The following CDKAL1 variants were observed in gnomAD, a reference collection of about 807,000 sequenced individuals.
The protein encoded by CDKAL1 is CDKAL1 threonylcarbamoyladenosine tRNA methylthiotransferase, also known as threonylcarbamoyladenosine tRNA methylthiotransferase.
CDKAL1 carries 32 observed loss-of-function variants against 68.2 expected under a neutral mutation model. The observed-to-expected ratio is 0.47, with a 90% CI of 0.35 to 0.63. CDKAL1 has a LOEUF of 0.63. CDKAL1 is among the 30% of genes least tolerant of loss of function. The pLI is 0.00. For synonymous variants in CDKAL1, 234 were observed against 244.3 expected, an observed-to-expected ratio of 0.96 and a Z score of 0.39; for missense variants, 606 against 696.7, an observed-to-expected ratio of 0.87 and a Z score of 1.47.
At chr6:21,106,142 G>C (rs1360770300) in intron 12 of CDKAL1, among the ~76,000 whole-genome samples, 1 of 152,130 alleles carries the variant, frequency 6.6e-6, no homozygotes, top group Admixed American at 6.5e-5. Flanking sequence ...TTTAAATACA[G>C]TCAGGCTGGC....
At chr6:20,719,425 A>C in intron 5 of CDKAL1, among the ~76,000 whole-genome samples, 1 of 152,098 alleles carries the variant, frequency 6.6e-6, no homozygotes, top group Middle Eastern at 3.2e-3. Flanking sequence ...TACTAATACG[A>C]GTGTACATAG....
At chr6:20,636,504 A>G (rs552095744) in intron 4 of CDKAL1, among the ~76,000 whole-genome samples, 4 of 152,182 alleles carry the variant, frequency 2.6e-5, no homozygotes, top group African/African-American at 7.2e-5. Context: ...TGATGTTCTT[A>G]GGTGAGTTGG....
intron 9 of CDKAL1, among the ~76,000 whole-genome samples, chr6:20,883,291 C>T (rs1760911774): frequency 6.6e-6 from 1 of 152,176 alleles, no homozygotes; most frequent in East Asian, 1.9e-4. Context: ...ACGTTGTCTT[C>T]CCAGTTGTTG....
At chr6:21,203,841 C>T (rs1022030816) in intron 15 of CDKAL1, among the ~76,000 whole-genome samples, 8 of 151,938 alleles carry the variant, frequency 5.3e-5, no homozygotes, top group African/African-American at 2.4e-5. Flanking sequence ...GGATTACAGG[C>T]GTGCGCCACC....
At chr6:20,840,047 G>A (rs1778112118) in intron 8 of CDKAL1, among the ~76,000 whole-genome samples, 1 of 152,214 alleles carries the variant, frequency 6.6e-6, no homozygotes, top group Non-Finnish European at 1.5e-5. Flanking sequence ...GAAGTACAGA[G>A]TACAATTGGT....
At chr6:20,722,676 C>G (rs1490995936) in intron 5 of CDKAL1, 1 of 167,688 alleles carries the variant, frequency 6.0e-6, no homozygotes, top group Non-Finnish European at 1.3e-5. Flanking sequence ...ACCCGCAGCC[C>G]AAAGTGAGAA....
At chr6:20,797,964 G>A (rs548714691) in intron 8 of CDKAL1, among the ~76,000 whole-genome samples, 2 of 151,824 alleles carry the variant, frequency 1.3e-5, no homozygotes, top group South Asian at 2.1e-4. Context: ...CTACAGGCAT[G>A]TGCTACCATG....
intron 15 of CDKAL1, among the ~76,000 whole-genome samples, chr6:21,205,736 T>C (rs1270932060): frequency 6.6e-6 from 1 of 151,020 alleles, no homozygotes; most frequent in African/African-American, 2.4e-5. Context: ...TTTCACTGTG[T>C]TAGCCAGGAT....
At chr6:21,137,697 ATTG>A (rs199510915) in intron 13 of CDKAL1, among the ~76,000 whole-genome samples, 1 of 152,206 alleles carries the variant, frequency 6.6e-6, no homozygotes, top group East Asian at 1.9e-4. Context: ...GTTTAAGCTC[ATTG>A]TTTTCAGATG....
intron 4 of CDKAL1, among the ~76,000 whole-genome samples, chr6:20,583,847 C>CT (rs1258881785): frequency 1.3e-5 from 2 of 149,752 alleles, no homozygotes; most frequent in Non-Finnish European, 3.0e-5. Context: ...ATTTTTGCTA[C>CT]TTACAAAATT....
At chr6:20,783,675 A>G (rs1775531882) in intron 8 of CDKAL1, among the ~76,000 whole-genome samples, 1 of 151,940 alleles carries the variant, frequency 6.6e-6, no homozygotes, top group Admixed American at 6.6e-5. Context: ...CCCTCACTCT[A>G]ATTTGTGTCC....
intron 13 of CDKAL1, among the ~76,000 whole-genome samples, chr6:21,111,066 TGA>T (rs1028776576): frequency 3.3e-5 from 5 of 152,136 alleles, no homozygotes; most frequent in Non-Finnish European, 7.4e-5. Flanking sequence ...CAAAACTAAA[TGA>T]TGTTTGGGGG....
intron 5 of CDKAL1, among the ~76,000 whole-genome samples, chr6:20,719,708 A>C (rs1772256599): frequency 6.6e-6 from 1 of 152,204 alleles, no homozygotes; most frequent in African/African-American, 2.4e-5. Flanking sequence ...ATTAAGTAAG[A>C]TACCCTGTAG....
chr6:21,108,507 C>A (rs1773965304), intron 13 of CDKAL1, 44 bp downstream of exon 13: 2 of 1,261,908 alleles, frequency 1.6e-6, no homozygotes, highest in African/African-American at 1.5e-5. Flanking sequence ...TAAAGTCTTT[C>A]CGAATGTATA....
chr6:20,630,985 A>G (rs1359672795), intron 4 of CDKAL1, among the ~76,000 whole-genome samples: 1 of 152,226 alleles, frequency 6.6e-6, no homozygotes, highest in Non-Finnish European at 1.5e-5. Context: ...CAAAATTGAA[A>G]TGTATAGGAA....
intron 3 of CDKAL1, among the ~76,000 whole-genome samples, chr6:20,548,013 T>G (rs1763670778): frequency 6.6e-6 from 1 of 152,184 alleles, no homozygotes; most frequent in Admixed American, 6.5e-5. Context: ...AGTAAGTTAG[T>G]AGTATGAATT....
At position 20,992,708 on chromosome 6, in the gene CDKAL1, C is replaced by T. The variant is rs763952538; in HGVS notation, c.910-7519C>T. ...AGTGCAGGAGTTCAAGATCAGCAAG[C>T]GTGGGCAACATAGTGAGACCCCGTC... On this transcript the variant is annotated intron_variant, in intron 10 of 15. Coordinates refer to ENST00000274695, the MANE Select transcript of CDKAL1 (RefSeq NM_017774.3). Among the ~76,000 whole-genome samples, 33 of 151,742 alleles carry T rather than the reference C, an allele frequency of 2.2e-4. 1 individual carries two copies. Among genetic ancestry groups the T allele is most frequent in the Non-Finnish European group, 4.1e-4 (28 of 67,952 alleles).
At chr6:20,738,806 A>G (rs539777622) in intron 5 of CDKAL1, among the ~76,000 whole-genome samples, 7 of 152,282 alleles carry the variant, frequency 4.6e-5, no homozygotes, top group African/African-American at 1.2e-4. Context: ...ATTACTTAGA[A>G]TTTATACTGA....
intron 12 of CDKAL1, among the ~76,000 whole-genome samples, chr6:21,067,469 G>A (rs1005709357): frequency 7.9e-5 from 12 of 152,080 alleles, no homozygotes; most frequent in African/African-American, 1.4e-4. Flanking sequence ...ATTATTAGCC[G>A]GGCGTGGTGG....
Sources: allele counts gnomAD v4.1 joint callset (sites outside exome capture counted in the v4.1 genomes callset), GRCh38; gene constraint gnomAD v4.1.1; transcripts MANE v1.5; gene names NCBI Gene and HGNC (gene_info 2026-07-23, HGNC 2026-07-21).